The following CERS6 variants were observed in gnomAD, a reference collection of about 807,000 sequenced individuals.
CERS6 encodes the protein LAG1 homolog, ceramide synthase 6.
Under a neutral mutation model 56.8 loss-of-function variants are expected in CERS6, and 26 were observed. The ratio of observed to expected loss-of-function variants is 0.46; its 90% CI spans 0.34 to 0.63. The LOEUF (loss-of-function observed/expected upper bound fraction) is 0.63. Among genes scored for constraint, CERS6 ranks in the 30% least tolerant of loss-of-function variants. The pLI is 0.01. For missense variants in CERS6, 415 were observed against 467.5 expected (o/e 0.89, Z 1.04); for synonymous variants, 164 against 173.3 (o/e 0.95, Z 0.42).
At position 168,691,015 on chromosome 2, in the gene CERS6, T is replaced by G; in HGVS notation, c.466-19T>G. 6.2e-7 allele frequency: 1 copy of G among 1,609,184 alleles called. No homozygotes were observed. Among genetic ancestry groups the G allele is most frequent in the Non-Finnish European group, 8.5e-7 (1 of 1,175,718 alleles). ...CCATGTTCTAAAATATGTAAAATAT[T>G]TTTTGTCATTTTTTTCAGACCCCCT... On this transcript the variant is annotated intron_variant, in intron 4 of 9. Coordinates refer to ENST00000305747, the MANE Select transcript of CERS6 (RefSeq NM_203463.3).
At chr2:168,488,143 G>C (rs888521703) in intron 1 of CERS6, among the ~76,000 whole-genome samples, 1 of 151,446 alleles carries the variant, frequency 6.6e-6, no homozygotes, top group Non-Finnish European at 1.5e-5. Flanking sequence ...TTTTGCTTTT[G>C]TTTTTAAAAT....
chr2:168,500,540 G>A, intron 1 of CERS6, among the ~76,000 whole-genome samples: 1 of 152,206 alleles, frequency 6.6e-6, no homozygotes, highest in East Asian at 1.9e-4. Flanking sequence ...CTTTGGGACA[G>A]TTTAACCAGA....
At chr2:168,477,045 G>A (rs1444753334) in intron 1 of CERS6, among the ~76,000 whole-genome samples, 1 of 152,066 alleles carries the variant, frequency 6.6e-6, no homozygotes, top group Non-Finnish European at 1.5e-5. Flanking sequence ...CTGGAGACAA[G>A]CCTAAGATCA....
chr2:168,656,548 T>G (rs1255551438), intron 4 of CERS6, among the ~76,000 whole-genome samples: 1 of 151,902 alleles, frequency 6.6e-6, no homozygotes, highest in African/African-American at 2.4e-5. Flanking sequence ...GTGTTACAGC[T>G]CTTAAGGTAG....
intron 4 of CERS6, among the ~76,000 whole-genome samples, chr2:168,649,218 C>A (rs914643182): frequency 6.6e-6 from 1 of 152,100 alleles, no homozygotes; most frequent in Non-Finnish European, 1.5e-5. Flanking sequence ...CTCTCCCTGG[C>A]CCTCCGAGGT....
At chr2:168,510,423 C>A (rs1694758312) in intron 1 of CERS6, among the ~76,000 whole-genome samples, 1 of 152,146 alleles carries the variant, frequency 6.6e-6, no homozygotes, top group Non-Finnish European at 1.5e-5. Context: ...TCACAGATAC[C>A]ATTGTGTTGT....
intron 1 of CERS6, among the ~76,000 whole-genome samples, chr2:168,458,422 TA>T (rs1693715946): frequency 6.6e-6 from 1 of 152,238 alleles, no homozygotes; most frequent in Non-Finnish European, 1.5e-5. Context: ...GCTTTGTACT[TA>T]GATTGTCTCT....
chr2:168,559,577 G>A (rs1485117170), intron 2 of CERS6, among the ~76,000 whole-genome samples: 1 of 151,192 alleles, frequency 6.6e-6, no homozygotes, highest in Non-Finnish European at 1.5e-5. Flanking sequence ...TCTAATCCGA[G>A]AGGTTCACCC....
At chr2:168,612,055 T>C (rs6433075) in intron 3 of CERS6, among the ~76,000 whole-genome samples, 151,475 of 152,360 alleles carry the variant, frequency 0.99, 75,303 homozygotes, top group East Asian at 1. Context: ...TTAAGAGTTA[T>C]GGAGCCCTTG....
chr2:168,507,716 T>A (rs1694704855), intron 1 of CERS6, among the ~76,000 whole-genome samples: 1 of 152,178 alleles, frequency 6.6e-6, no homozygotes, highest in Admixed American at 6.5e-5. Context: ...CAATGACAAC[T>A]TCCACCTGAA....
chr2:168,656,742 C>T (rs548296085), intron 4 of CERS6, among the ~76,000 whole-genome samples: 13 of 152,148 alleles, frequency 8.5e-5, no homozygotes, highest in East Asian at 7.7e-4. Context: ...GAAGGGGACC[C>T]GAGCGGGTTG....
chr2:168,692,158 A>G (rs565397932), intron 5 of CERS6, among the ~76,000 whole-genome samples: 3 of 152,296 alleles, frequency 2.0e-5, no homozygotes, highest in Middle Eastern at 3.4e-3. Flanking sequence ...GAACATGGCA[A>G]GAGAGCTGAG....
At chr2:168,545,423 A>G (rs1433153096) in intron 1 of CERS6, among the ~76,000 whole-genome samples, 1 of 152,200 alleles carries the variant, frequency 6.6e-6, no homozygotes, top group African/African-American at 2.4e-5. Flanking sequence ...TAAAGAAAAT[A>G]GAGTTTTAAA....
intron 8 of CERS6, among the ~76,000 whole-genome samples, chr2:168,738,482 G>T (rs1683782489): frequency 6.6e-6 from 1 of 152,168 alleles, no homozygotes; most frequent in South Asian, 2.1e-4. Flanking sequence ...GATGAACAGT[G>T]CTTACGACTA....
At chr2:168,627,588 A>G (rs1446053527) in intron 3 of CERS6, among the ~76,000 whole-genome samples, 2 of 149,486 alleles carry the variant, frequency 1.3e-5, no homozygotes, top group African/African-American at 2.5e-5. Flanking sequence ...TTTTCATTTG[A>G]TTTGTGTGTG....
chr2:168,727,368 G>T (rs936154617), intron 8 of CERS6, among the ~76,000 whole-genome samples: 1 of 152,092 alleles, frequency 6.6e-6, no homozygotes, highest in African/African-American at 2.4e-5. Context: ...GACCAACATG[G>T]TGAAACCCCA....
At chr2:168,646,825 A>C (rs1685215106) in intron 4 of CERS6, among the ~76,000 whole-genome samples, 1 of 151,702 alleles carries the variant, frequency 6.6e-6, no homozygotes, top group Non-Finnish European at 1.5e-5. Context: ...GTTTTTGTCA[A>C]AGATCAGATG....
At chr2:168,575,404 G>A (rs1683237166) in intron 3 of CERS6, among the ~76,000 whole-genome samples, 1 of 152,078 alleles carries the variant, frequency 6.6e-6, no homozygotes, top group African/African-American at 2.4e-5. Flanking sequence ...TTACATGGTG[G>A]AAGGGGAGAG....
chr2:168,725,114 G>T (rs1559068779), intron 8 of CERS6, among the ~76,000 whole-genome samples: 1 of 152,240 alleles, frequency 6.6e-6, no homozygotes, highest in African/African-American at 2.4e-5. Context: ...GGGAGACCCA[G>T]TACACCCTCC....
Sources: allele counts gnomAD v4.1 joint callset (sites outside exome capture counted in the v4.1 genomes callset), GRCh38; gene constraint gnomAD v4.1.1; transcripts MANE v1.5; gene names NCBI Gene and HGNC (gene_info 2026-07-23, HGNC 2026-07-21).